Variants in SEMA6D observed in about 807,000 individuals in gnomAD.
SEMA6D encodes semaphorin 6D.
In SEMA6D, 35 loss-of-function variants were observed where a neutral mutation model predicts 106.6. The ratio of observed to expected loss-of-function variants is 0.33; its 90% CI spans 0.25 to 0.44. SEMA6D has a LOEUF of 0.44. Among genes scored for constraint, SEMA6D ranks in the 20% least tolerant of loss-of-function variants. The pLI is 1.00. For synonymous variants in SEMA6D, 499 were observed against 487.7 expected (o/e 1.02, Z -0.31); for missense variants, 1,185 against 1,345.9 (o/e 0.88, Z 1.87).
intron 1 of SEMA6D, among the ~76,000 whole-genome samples, chr15:47,357,682 A>G (rs1221188350): frequency 6.6e-6 from 1 of 152,084 alleles, no homozygotes; most frequent in Non-Finnish European, 1.5e-5. Flanking sequence ...GATTGTGCCC[A>G]CCCACATTAA....
At chr15:47,218,264 C>T (rs1451848760) in intron 1 of SEMA6D, among the ~76,000 whole-genome samples, 1 of 152,154 alleles carries the variant, frequency 6.6e-6, no homozygotes, top group Non-Finnish European at 1.5e-5. Context: ...GATTGTTGCA[C>T]TCATCCAGTT....
intron 1 of SEMA6D, among the ~76,000 whole-genome samples, chr15:47,310,721 A>G (rs146978717): frequency 5.3e-4 from 80 of 152,330 alleles, no homozygotes; most frequent in African/African-American, 1.9e-3. Flanking sequence ...TATATTATCT[A>G]TGAGAAAACT....
intron 4 of SEMA6D, among the ~76,000 whole-genome samples, chr15:47,612,963 A>G (rs2076939746): frequency 6.6e-6 from 1 of 152,184 alleles, no homozygotes; most frequent in South Asian, 2.1e-4. Flanking sequence ...CACATTTCAG[A>G]ATGTTGTAAA....
At chr15:47,428,371 G>C (rs1448030206) in intron 2 of SEMA6D, among the ~76,000 whole-genome samples, 2 of 152,156 alleles carry the variant, frequency 1.3e-5, no homozygotes, top group Non-Finnish European at 2.9e-5. Flanking sequence ...CAGAAGACCA[G>C]AGTATTTTTA....
chr15:47,309,005 G>A (rs1420778102), intron 1 of SEMA6D, among the ~76,000 whole-genome samples: 11 of 152,110 alleles, frequency 7.2e-5, no homozygotes, highest in Non-Finnish European at 8.8e-5. Context: ...CTTAAGTTGC[G>A]CCTCCATTAC....
At chr15:47,211,310 T>G (rs1325035834) in intron 1 of SEMA6D, among the ~76,000 whole-genome samples, 1 of 152,178 alleles carries the variant, frequency 6.6e-6, no homozygotes, top group Non-Finnish European at 1.5e-5. Flanking sequence ...TAATTATGGA[T>G]TTACTTCATT....
intron 4 of SEMA6D, among the ~76,000 whole-genome samples, chr15:47,641,610 A>G (rs964595443): frequency 1.6e-4 from 25 of 152,146 alleles, no homozygotes; most frequent in African/African-American, 6.0e-4. Context: ...TGAAGAGGAA[A>G]TTGCCCTGGC....
At chr15:47,237,394 G>A (rs1207679851) in intron 1 of SEMA6D, among the ~76,000 whole-genome samples, 4 of 152,034 alleles carry the variant, frequency 2.6e-5, no homozygotes, top group South Asian at 2.1e-4. Flanking sequence ...ATTTTGCCAC[G>A]TTGGAAATGA....
At chr15:47,451,946 A>G (rs1366836420) in intron 2 of SEMA6D, among the ~76,000 whole-genome samples, 1 of 152,024 alleles carries the variant, frequency 6.6e-6, no homozygotes, top group Non-Finnish European at 1.5e-5. Context: ...GATTTAAGAC[A>G]AAAACCAAAC....
At chr15:47,686,730 A>G (rs939236560) in intron 4 of SEMA6D, among the ~76,000 whole-genome samples, 3 of 152,196 alleles carry the variant, frequency 2.0e-5, no homozygotes, top group African/African-American at 7.2e-5. Context: ...TTGAATGAAC[A>G]CGCAAAAGAT....
chr15:47,251,148 C>G (rs892830081), intron 1 of SEMA6D, among the ~76,000 whole-genome samples: 3 of 152,114 alleles, frequency 2.0e-5, no homozygotes, highest in African/African-American at 7.2e-5. Context: ...TAGTCAGAAG[C>G]CTTTCCTTTA....
At chr15:47,700,553 A>G (rs1166401703) in intron 4 of SEMA6D, among the ~76,000 whole-genome samples, 1 of 152,124 alleles carries the variant, frequency 6.6e-6, no homozygotes, top group East Asian at 1.9e-4. Context: ...TAAATAAATA[A>G]TAAGTAAATA....
chr15:47,495,880 A>C (rs909853931), intron 3 of SEMA6D, among the ~76,000 whole-genome samples: 1 of 152,072 alleles, frequency 6.6e-6, no homozygotes, highest in African/African-American at 2.4e-5. Context: ...TGAACATACA[A>C]GTATTTTTCA....
At chr15:47,637,508 T>C (rs569346755) in intron 4 of SEMA6D, among the ~76,000 whole-genome samples, 1 of 152,268 alleles carries the variant, frequency 6.6e-6, no homozygotes, top group South Asian at 2.1e-4. Flanking sequence ...GCCCATGGGC[T>C]TTCCTCAATG....
intron 4 of SEMA6D, among the ~76,000 whole-genome samples, chr15:47,621,117 C>G (rs2077090071): frequency 6.6e-6 from 1 of 152,180 alleles, no homozygotes; most frequent in African/African-American, 2.4e-5. Flanking sequence ...CTAACCTACC[C>G]TGTTAAAGTT....
intron 4 of SEMA6D, among the ~76,000 whole-genome samples, chr15:47,707,007 C>G (rs1299369708): frequency 6.6e-6 from 1 of 152,142 alleles, no homozygotes; most frequent in Non-Finnish European, 1.5e-5. Flanking sequence ...AAATTATATC[C>G]TATACATTTC....
intron 1 of SEMA6D, among the ~76,000 whole-genome samples, chr15:47,216,525 A>G (rs571907492): frequency 3.5e-4 from 53 of 152,284 alleles, no homozygotes; most frequent in Admixed American, 2.9e-3. Flanking sequence ...GTAATCAGAA[A>G]TTTGCTTTAA....
At chr15:47,606,556 A>G (rs1339275072) in intron 4 of SEMA6D, among the ~76,000 whole-genome samples, 1 of 152,190 alleles carries the variant, frequency 6.6e-6, no homozygotes, top group East Asian at 1.9e-4. Flanking sequence ...AAGACCAATT[A>G]TGATACATTG....
At chr15:47,613,053 T>G (rs1160242076) in intron 4 of SEMA6D, among the ~76,000 whole-genome samples, 2 of 152,212 alleles carry the variant, frequency 1.3e-5, no homozygotes, top group African/African-American at 4.8e-5. Flanking sequence ...CCATTATTTT[T>G]GAGATAAAGA....
Sources: allele counts gnomAD v4.1 joint callset (sites outside exome capture counted in the v4.1 genomes callset), GRCh38; gene constraint gnomAD v4.1.1; transcripts MANE v1.5; gene names NCBI Gene and HGNC (gene_info 2026-07-23, HGNC 2026-07-21).